Variants in UBASH3A observed in about 807,000 individuals in gnomAD.
UBASH3A encodes ubiquitin-associated and SH3 domain-containing protein A.
In UBASH3A, 63 loss-of-function variants were observed where a neutral mutation model predicts 73.5. The ratio of observed to expected loss-of-function variants is 0.86; its 90% CI spans 0.70 to 1.06. The LOEUF is 1.06. Among genes scored for constraint, UBASH3A ranks in the 50% least tolerant of loss-of-function variants. The pLI is 0.00. For missense variants in UBASH3A, 860 were observed against 859.0 expected (o/e 1.00, Z -0.02); for synonymous variants, 363 against 351.1 (o/e 1.03, Z -0.38).
rs751412277 is a variant in UBASH3A, at chr21:42,437,473, T to A, written c.1394-15T>A. ...TTATGAAGGGGCATTTTCTGCCTTT[T>A]TCACTATTTTCCAGGGGACGCGCTA... On this transcript the variant is annotated splice_polypyrimidine_tract_variant and intron_variant, in intron 10 of 14. Coordinates refer to ENST00000319294, the MANE Select transcript of UBASH3A (RefSeq NM_018961.4). The A allele has an allele frequency of 6.2e-7, 1 of 1,612,554 alleles. No individual in the cohort carries two copies. The highest frequency in any genetic ancestry group is 8.5e-7 in the Non-Finnish European group (1 of 1,178,628).
chr21:42,432,986 A>G (rs1324554589), intron 9 of UBASH3A, among the ~76,000 whole-genome samples: 1 of 152,262 alleles, frequency 6.6e-6, no homozygotes, highest in African/African-American at 2.4e-5. Context: ...TCAATAAAAC[A>G]GTTTTTTTAG....
chr21:42,414,967 G>A (rs143630546), intron 5 of UBASH3A, among the ~76,000 whole-genome samples: 3 of 152,260 alleles, frequency 2.0e-5, no homozygotes, highest in Admixed American at 1.3e-4. Context: ...TCACATCTAC[G>A]CCCCGACCCT....
chr21:42,440,423 A>G (rs566537289), intron 11 of UBASH3A, among the ~76,000 whole-genome samples: 1 of 152,336 alleles, frequency 6.6e-6, no homozygotes, highest in African/African-American at 2.4e-5. Flanking sequence ...AATTAACCAA[A>G]CACCTATAAT....
chr21:42,404,233 G>A, intron 1 of UBASH3A, 175 bp downstream of exon 1: 2 of 391,256 alleles, frequency 5.1e-6, no homozygotes, highest in Non-Finnish European at 9.0e-6. Context: ...TCGTAAATGA[G>A]GTGATCTTGA....
At chr21:42,438,663 G>T (rs984195100) in intron 11 of UBASH3A, among the ~76,000 whole-genome samples, 13 of 152,166 alleles carry the variant, frequency 8.5e-5, no homozygotes, top group African/African-American at 3.1e-4. Flanking sequence ...TGGACTTTCA[G>T]CTGGGTCAGC....
Position 42,410,132 on chromosome 21 carries a change from T to G in UBASH3A, c.354+524T>G, listed in dbSNP as rs1401684798. Reference sequence around the variant, plus strand: ...CTGTCTCAGGGACCAGCCGTCTGATTCAGAAAAAAAATGGCCCAGTGGGTA... The same window carrying G: ...CTGTCTCAGGGACCAGCCGTCTGATGCAGAAAAAAAATGGCCCAGTGGGTA... On this transcript the variant is annotated intron_variant, in intron 3 of 14. Coordinates refer to ENST00000319294, the MANE Select transcript of UBASH3A (RefSeq NM_018961.4). The G allele has an allele frequency of 8.5e-6, 6 of 702,106 alleles. No individual in the cohort carries two copies. The Admixed American group carries it at 1.2e-4, about 14-fold the overall frequency. The allele number at this position is 702,106 out of a possible 1,614,324, so 43.5% of individuals were successfully genotyped here.
At chr21:42,416,412 G>T (rs1377533218) in intron 5 of UBASH3A, 30 bp from the exon 6 acceptor site, 2 of 1,529,866 alleles carry the variant, frequency 1.3e-6, no homozygotes, top group African/African-American at 2.8e-5. Context: ...ACGGTGTCCT[G>T]GCACCCTCTG....
At position 42,444,644 on chromosome 21, in the gene UBASH3A, G is replaced by A; in HGVS notation, c.1848+1G>A. On this transcript the variant is annotated splice_donor_variant, in intron 14 of 14. Transcript: ENST00000319294. LOFTEE classifies it high-confidence loss of function. ...GGATTTTGCCCAACTCGTGAGAAAG[G>A]TACGCGCCCACTCTTGGCTCTTTGG... 1.2e-6 allele frequency: 2 copies of A among 1,610,684 alleles called. No homozygotes were observed. Among genetic ancestry groups the A allele is most frequent in the Admixed American group, 1.7e-5 (1 of 60,028 alleles).
intron 8 of UBASH3A, among the ~76,000 whole-genome samples, chr21:42,430,056 G>T (rs1318767076): frequency 1.3e-5 from 2 of 152,104 alleles, no homozygotes; most frequent in Non-Finnish European, 1.5e-5. Context: ...ACAGGATCTG[G>T]CAGGAGCTGC....
At chr21:42,405,756 A>T (rs75579847) in intron 1 of UBASH3A, among the ~76,000 whole-genome samples, 16,549 of 152,174 alleles carry the variant, frequency 0.11, 1,017 homozygotes, top group East Asian at 0.21. Context: ...AATAAGACTC[A>T]GTCCTGTGTT....
At chr21:42,443,536 C>T (rs908903493) in intron 13 of UBASH3A, 118 bp downstream of exon 13, 6 of 814,398 alleles carry the variant, frequency 7.4e-6, no homozygotes, top group African/African-American at 1.8e-5. Flanking sequence ...TGCCTGCCCC[C>T]GCCCCCATTC....
intron 2 of UBASH3A, among the ~76,000 whole-genome samples, chr21:42,408,913 TAAAATAAAATAAAATA>T (rs1197176110): frequency 6.8e-6 from 1 of 147,736 alleles, no homozygotes; most frequent in Non-Finnish European, 1.5e-5. Context: ...TAAAATAAAA[TAAAATAAAATAAAATA>T]AAATAAAATA....
At chr21:42,444,054 G>A (rs1277683059) in intron 13 of UBASH3A, among the ~76,000 whole-genome samples, 2 of 152,232 alleles carry the variant, frequency 1.3e-5, no homozygotes, top group African/African-American at 2.4e-5. Flanking sequence ...CAGAAGCGCT[G>A]ACTTCCCACG....
intron 7 of UBASH3A, among the ~76,000 whole-genome samples, chr21:42,424,542 A>C (rs972178299): frequency 5.3e-5 from 8 of 152,124 alleles, no homozygotes; most frequent in Non-Finnish European, 8.8e-5. Context: ...AGAGGGGAGC[A>C]CCCCTGTGGG....
In UBASH3A at chr21:42,412,941, G is replaced by A. The variant is rs146868254; in HGVS notation, c.355-83G>A. ...AACAGAAAAGAATCTCACTTTAATT[G>A]CTGCCTGATTGTTATTAATTAAATT... On this transcript the variant is annotated intron_variant, in intron 3 of 14. Transcript: ENST00000319294. 68 of 1,143,178 alleles carry A rather than the reference G, an allele frequency of 5.9e-5. No homozygotes were observed. In the African/African-American group the frequency reaches 9.6e-4, roughly 16 times the overall value. The allele number at this position is 1,143,178 out of a possible 1,614,324, so 70.8% of individuals were successfully genotyped here.
chr21:42,447,206 ATGT>A lies in UBASH3A; in HGVS notation c.*16_*18del. On this transcript the variant is annotated 3_prime_UTR_variant, in exon 15 of 15. Coordinates refer to ENST00000319294, the MANE Select transcript of UBASH3A (RefSeq NM_018961.4). Reference sequence around the variant, plus strand: ...TCTCAGGCAACTGAGAGCCACGGTGATGTTGTCATAACCTCAGAGTGGAGAGGC... The same window carrying A: ...TCTCAGGCAACTGAGAGCCACGGTGATGTCATAACCTCAGAGTGGAGAGGC... 6.2e-7 allele frequency: 1 copy of A among 1,612,996 alleles called. No homozygotes were observed.
intron 6 of UBASH3A, among the ~76,000 whole-genome samples, chr21:42,417,984 G>T (rs2053255825): frequency 7.0e-6 from 1 of 142,784 alleles, no homozygotes; most frequent in Admixed American, 7.4e-5. Flanking sequence ...CCAGGTTCAA[G>T]TGATTCTCCT....
At chr21:42,412,908 G>T (rs907008728) in intron 3 of UBASH3A, 116 bp from the exon 4 acceptor site, 1 of 894,888 alleles carries the variant, frequency 1.1e-6, no homozygotes. Flanking sequence ...TTATGTTACA[G>T]CGCTTTGAAC....
chr21:42,404,875 C>T (rs538910595), intron 1 of UBASH3A, among the ~76,000 whole-genome samples: 1 of 152,278 alleles, frequency 6.6e-6, no homozygotes, highest in African/African-American at 2.4e-5. Context: ...TTCAGAGTTA[C>T]CACTCTCGGA....
Sources: gnomAD v4.1 joint callset for allele counts (sites outside exome capture counted in the v4.1 genomes callset) on GRCh38, gnomAD v4.1.1 for gene constraint, MANE v1.5 for transcripts, NCBI Gene and HGNC (gene_info 2026-07-23, HGNC 2026-07-21) for gene names.